ZMYM1: variants seen among roughly 807,000 people sequenced by gnomAD.
ZMYM1 encodes the protein zinc finger MYM-type protein 1.
Under a neutral mutation model 60.0 loss-of-function variants are expected in ZMYM1, and 39 were observed. The ratio of observed to expected loss-of-function variants is 0.65; its 90% CI spans 0.50 to 0.85. The LOEUF (loss-of-function observed/expected upper bound fraction) is 0.85, where lower values mean the gene tolerates loss of function less well. Ranked by LOEUF, ZMYM1 falls within the 40% of genes least tolerant of loss-of-function variation. The pLI, the probability that ZMYM1 is intolerant of heterozygous loss-of-function variation, is 0.00. For synonymous variants in ZMYM1, 413 were observed against 454.0 expected, an observed-to-expected ratio of 0.91 and a Z score of 1.15; for missense variants, 1,171 against 1,309.5, an observed-to-expected ratio of 0.89 and a Z score of 1.63.
chr1:35,098,457 G>A (rs1643458739), intron 4 of ZMYM1, among the ~76,000 whole-genome samples: 1 of 152,216 alleles, frequency 6.6e-6, no homozygotes, highest in African/African-American at 2.4e-5. Context: ...GGCAACCACA[G>A]TGCTTCTAAA....
At chr1:35,107,088 TGATCCGCCCGCCTC>T (rs1399360488) in intron 6 of ZMYM1, among the ~76,000 whole-genome samples, 1 of 149,440 alleles carries the variant, frequency 6.7e-6, no homozygotes, top group East Asian at 2.1e-4. Flanking sequence ...CCTGACCTCG[TGATCCGCCCGCCTC>T]GGCCTCCCAA....
chr1:35,085,510 C>A (rs1278757300), intron 1 of ZMYM1, among the ~76,000 whole-genome samples: 1 of 152,202 alleles, frequency 6.6e-6, no homozygotes, highest in Non-Finnish European at 1.5e-5. Context: ...TTTGCCTTGA[C>A]ATCTGTCTCC....
chr1:35,105,133 T>C (rs1279894344), intron 6 of ZMYM1, among the ~76,000 whole-genome samples: 3 of 140,096 alleles, frequency 2.1e-5, no homozygotes, highest in African/African-American at 5.3e-5. Flanking sequence ...TTTCTTTTTT[T>C]TTTTTTTTTT....
Position 35,110,427 on chromosome 1 carries a change from C to G in ZMYM1, c.941C>G (p.Ala314Gly). 6.6e-7 allele frequency: 1 copy of G among 1,523,906 alleles called. No individual in the cohort carries two copies. The highest frequency in any genetic ancestry group is 8.8e-7 in the Non-Finnish European group (1 of 1,139,458). The allele number at this position is 1,523,906 out of a possible 1,614,324, so 94.4% of individuals were successfully genotyped here. A position where few individuals can be genotyped will look rare whatever the true frequency, so the allele number is the denominator to read the frequency against. ...SINCFSAYSK[A>G]KMESSSVSVV... ...AATTGTTTCTCTGCATACAGTAAAGCTAAGATGGAATCTTCTTCAGGTAAT... is the reference window on the plus strand; with the variant it reads ...AATTGTTTCTCTGCATACAGTAAAGGTAAGATGGAATCTTCTTCAGGTAAT... The change falls in exon 7 of 10, where the codon GCT becomes GGT. Residue 314 changes from alanine to glycine, a missense_variant. By Grantham distance (60) the Ala-to-Gly change is moderately conservative (BLOSUM62 0). Transcript: ENST00000359858.
At chr1:35,064,256 T>C (rs72893537) in intron 1 of ZMYM1, among the ~76,000 whole-genome samples, 28,800 of 131,808 alleles carry the variant, frequency 0.22, 6,691 homozygotes, top group African/African-American at 0.58. Context: ...CCCAGGAGTT[T>C]AAGGCCAGCC....
At chr1:35,112,245 T>A (rs1644114464) in intron 9 of ZMYM1, 115 bp downstream of exon 9, 2 of 1,001,866 alleles carry the variant, frequency 2.0e-6, no homozygotes, top group Non-Finnish European at 3.0e-6. Flanking sequence ...TGGCGTGATC[T>A]CAGCTCACTG....
intron 1 of ZMYM1, among the ~76,000 whole-genome samples, chr1:35,092,430 G>A (rs567720233): frequency 1.7e-4 from 25 of 144,190 alleles, no homozygotes; most frequent in Non-Finnish European, 2.9e-4. Flanking sequence ...TAGTAGAGAC[G>A]GGGTTTCGCC....
chr1:35,101,830 A>G (rs1350275019), intron 4 of ZMYM1, among the ~76,000 whole-genome samples: 1 of 152,120 alleles, frequency 6.6e-6, no homozygotes, highest in Non-Finnish European at 1.5e-5. Context: ...GGTGTGAGCC[A>G]CCGCGCCTGC....
At chr1:35,089,433 A>T (rs1466749152) in intron 1 of ZMYM1, among the ~76,000 whole-genome samples, 1 of 152,006 alleles carries the variant, frequency 6.6e-6, no homozygotes, top group Non-Finnish European at 1.5e-5. Flanking sequence ...ATTGCACTTG[A>T]CTCTCAGGCC....
chr1:35,087,997 T>C (rs1265214447), intron 1 of ZMYM1, among the ~76,000 whole-genome samples: 1 of 151,830 alleles, frequency 6.6e-6, no homozygotes, highest in Non-Finnish European at 1.5e-5. Flanking sequence ...GAGGCGGAGG[T>C]TGCAGTGAGC....
chr1:35,081,522 C>G (rs1640008535), intron 1 of ZMYM1, among the ~76,000 whole-genome samples: 1 of 152,124 alleles, frequency 6.6e-6, no homozygotes, highest in Non-Finnish European at 1.5e-5. Context: ...TTGACTCTTT[C>G]CATCAATGAG....
chr1:35,114,100 T>A lies in ZMYM1; in HGVS notation c.2270T>A (p.Phe757Tyr), dbSNP rs761591605. The change falls in exon 10 of 10, where the codon TTT becomes TAT. Residue 757 changes from phenylalanine to tyrosine, a missense_variant. By Grantham distance (22) the Phe-to-Tyr change is conservative (BLOSUM62 3). Coordinates refer to ENST00000359858, the MANE Select transcript of ZMYM1 (RefSeq NM_024772.5). ...AHFLDLSIIR[F>Y]CKEVKELRSA... ...TTTTTGGATTTATCAATAATTAGGT[T>A]TTGTAAAGAAGTAAAAGAACTCCGA... The A allele has an allele frequency of 2.5e-6, 4 of 1,612,892 alleles. No individual in the cohort carries two copies. In the Admixed American group the frequency reaches 6.7e-5, roughly 27 times the overall value.
At chr1:35,108,432 A>G (rs1019488548) in intron 6 of ZMYM1, among the ~76,000 whole-genome samples, 1 of 151,110 alleles carries the variant, frequency 6.6e-6, no homozygotes, top group Non-Finnish European at 1.5e-5. Flanking sequence ...GCTCACTGCA[A>G]CCTCCGCCTC....
At chr1:35,065,867 A>G (rs983883453) in intron 1 of ZMYM1, among the ~76,000 whole-genome samples, 1 of 152,116 alleles carries the variant, frequency 6.6e-6, no homozygotes, top group Non-Finnish European at 1.5e-5. Context: ...GGATATTGCT[A>G]CAGGGCACAC....
chr1:35,085,149 G>C (rs573856918), intron 1 of ZMYM1, among the ~76,000 whole-genome samples: 3 of 151,804 alleles, frequency 2.0e-5, no homozygotes, highest in African/African-American at 7.3e-5. Context: ...CTGGGTTCAC[G>C]CCCTTCTCCT....
chr1:35,068,667 TAA>T (rs1476783336), intron 1 of ZMYM1, among the ~76,000 whole-genome samples: 59 of 149,550 alleles, frequency 3.9e-4, no homozygotes, highest in African/African-American at 1.2e-3. Context: ...TATATATATA[TAA>T]AACTACACCT....
intron 1 of ZMYM1, among the ~76,000 whole-genome samples, chr1:35,088,805 C>CTTTTTTTTTTTTTTTTTTTTTT (rs375136566): frequency 2.5e-5 from 3 of 119,614 alleles, no homozygotes; most frequent in Non-Finnish European, 4.9e-5. Flanking sequence ...GGATGCTTTC[C>CTTTTTTTTTTTTTTTTTTTTTT]TTTTTTTTTT....
intron 1 of ZMYM1, among the ~76,000 whole-genome samples, chr1:35,088,434 G>GTGTATA (rs1340110928): frequency 4.7e-4 from 32 of 68,048 alleles, no homozygotes; most frequent in South Asian, 8.1e-4. Flanking sequence ...GTGTTTATGT[G>GTGTATA]TATATATATA....
intron 2 of ZMYM1, among the ~76,000 whole-genome samples, chr1:35,094,722 G>A (rs1050812554): frequency 2.6e-5 from 4 of 152,102 alleles, no homozygotes; most frequent in Non-Finnish European, 5.9e-5. Flanking sequence ...AGTGGTGCAC[G>A]CCTGTAGTCT....
Sources: allele counts gnomAD v4.1 joint callset (sites outside exome capture counted in the v4.1 genomes callset), GRCh38; gene constraint gnomAD v4.1.1; transcripts MANE v1.5; gene names NCBI Gene and HGNC (gene_info 2026-07-23, HGNC 2026-07-21).